TENM1: variants seen among roughly 807,000 people sequenced by gnomAD.
TENM1 encodes teneurin transmembrane protein 1.
In TENM1, 35 loss-of-function variants were observed where a neutral mutation model predicts 174.8. That is an observed-to-expected ratio of 0.20 (90% CI 0.15 to 0.27). TENM1 has a LOEUF of 0.27. Ranked by LOEUF, TENM1 falls within the 10% of genes least tolerant of loss-of-function variation. TENM1 has a pLI of 1.00. For synonymous variants in TENM1, 781 were observed against 798.7 expected (o/e 0.98, Z 0.37); for missense variants, 1,633 against 2,130.1 (o/e 0.77, Z 4.59).
At chrX:124,423,325 T>C (rs770770038) in intron 23 of TENM1, among the ~76,000 whole-genome samples, 19 of 111,996 alleles carry the variant, frequency 1.7e-4, no homozygotes, top group African/African-American at 5.8e-4. Flanking sequence ...ACTCCATAGG[T>C]TCCCCTTTTT....
chrX:125,126,408 GACT>G, the TENM1 span, among the ~76,000 whole-genome samples: 1 of 111,330 alleles, frequency 9.0e-6, no homozygotes, highest in Non-Finnish European at 1.9e-5. Flanking sequence ...TAAGGTGCTG[GACT>G]ATATACATGG....
Position 124,935,451 on chromosome X carries a change from C to G in TENM1, c.217+28086G>C, listed in dbSNP as rs910821539. Among the ~76,000 whole-genome samples the G allele has an allele frequency of 2.7e-5, 3 of 111,619 alleles. No individual in the cohort carries two copies. The Admixed American group carries it at 2.9e-4, about 11-fold the overall frequency. ...GAAACTTTCCCCGACCCTTCTAACC[C>G]CTTATTTGAGTTAGATGTTCCTCCT... On this transcript the variant is annotated intron_variant, in intron 1 of 31. Coordinates refer to ENST00000422452, the Ensembl canonical transcript of TENM1.
chrX:124,403,534 GA>G (rs779561191), intron 27 of TENM1, among the ~76,000 whole-genome samples: 4 of 88,811 alleles, frequency 4.5e-5, no homozygotes, highest in Admixed American at 1.2e-4. Flanking sequence ...AAAAAAAAAA[GA>G]AAAAAAAAAG....
intron 14 of TENM1, among the ~76,000 whole-genome samples, chrX:124,549,607 A>G (rs753073879): frequency 1.8e-5 from 2 of 112,018 alleles, no homozygotes; most frequent in South Asian, 7.5e-4. Flanking sequence ...AATGTTCTAT[A>G]CATTCCAAGC....
chrX:124,647,761 G>C (rs1025043221), intron 8 of TENM1, among the ~76,000 whole-genome samples: 1 of 109,247 alleles, frequency 9.2e-6, no homozygotes, highest in East Asian at 2.8e-4. Flanking sequence ...GTGTTTGTGT[G>C]TGTGTGTGTT....
At chrX:124,507,845 T>C (rs770756246) in intron 18 of TENM1, among the ~76,000 whole-genome samples, 10 of 111,866 alleles carry the variant, frequency 8.9e-5, no homozygotes, top group Non-Finnish European at 1.7e-4. Flanking sequence ...GAATTTATAA[T>C]GGTTGCATTT....
At chrX:124,446,808 G>T (rs184362844) in intron 23 of TENM1, among the ~76,000 whole-genome samples, 1 of 112,715 alleles carries the variant, frequency 8.9e-6, no homozygotes, top group African/African-American at 3.2e-5. Context: ...TGTATGTCAA[G>T]CATTCATAGA....
chrX:125,070,881 C>G, the TENM1 span, among the ~76,000 whole-genome samples: 1 of 111,644 alleles, frequency 9.0e-6, no homozygotes, highest in African/African-American at 3.2e-5. Context: ...AAATCAAATA[C>G]TACATGAACA....
intron 25 of TENM1, among the ~76,000 whole-genome samples, chrX:124,414,847 C>T (rs1218800104): frequency 1.8e-5 from 2 of 111,713 alleles, no homozygotes; most frequent in Non-Finnish European, 3.8e-5. Context: ...ACACTGCAGT[C>T]TTCCATCCTG....
At chrX:124,515,858 A>G (rs2047691089) in intron 18 of TENM1, among the ~76,000 whole-genome samples, 1 of 110,366 alleles carries the variant, frequency 9.1e-6, no homozygotes, top group Admixed American at 9.7e-5. Context: ...TCTAAAATTC[A>G]TATGGAACCC....
the TENM1 span, among the ~76,000 whole-genome samples, chrX:125,085,612 C>T: frequency 9.0e-6 from 1 of 111,302 alleles, no homozygotes; most frequent in Non-Finnish European, 1.9e-5. Context: ...CAAAAATCTG[C>T]TTTTAACTTG....
At chrX:124,426,216 A>T (rs1343031811) in intron 23 of TENM1, among the ~76,000 whole-genome samples, 1 of 111,539 alleles carries the variant, frequency 9.0e-6, no homozygotes, top group African/African-American at 3.3e-5. Context: ...ACTGTGTTCC[A>T]CACCATTCCC....
the TENM1 span, among the ~76,000 whole-genome samples, chrX:125,166,642 T>A: frequency 1.6e-4 from 18 of 111,938 alleles, no homozygotes; most frequent in East Asian, 4.8e-3. Flanking sequence ...TATCTTAATG[T>A]GTCTGTGAAA....
At chrX:124,726,040 G>C (rs1035573003) in intron 4 of TENM1, among the ~76,000 whole-genome samples, 7 of 111,886 alleles carry the variant, frequency 6.3e-5, no homozygotes, top group Admixed American at 5.7e-4. Context: ...AGGGCAAAAT[G>C]ATGGGTACAG....
chrX:124,719,210 C>T (rs1454396960), intron 4 of TENM1, among the ~76,000 whole-genome samples: 1 of 110,569 alleles, frequency 9.0e-6, no homozygotes, highest in East Asian at 2.9e-4. Context: ...CCTCCCCAAG[C>T]TCACAGCTGT....
Position 124,810,942 on chromosome X carries a change from C to T in TENM1, c.536-73745G>A, listed in dbSNP as rs183342888. Among the ~76,000 whole-genome samples, 827 of 111,272 alleles carry T rather than the reference C, an allele frequency of 7.4e-3. 5 individuals carry two copies. Among genetic ancestry groups the T allele is most frequent in the African/African-American group, 0.026 (785 of 30,714 alleles). On this transcript the variant is annotated intron_variant, in intron 3 of 31. Transcript: ENST00000422452. ...TGACAAAGGCAACAAGGGCACACAACGGGGAAAAGACAATCTCTTCAATAA... is the reference window on the plus strand; with the variant it reads ...TGACAAAGGCAACAAGGGCACACAATGGGGAAAAGACAATCTCTTCAATAA...
At chrX:125,001,925 T>TCA in the TENM1 span, among the ~76,000 whole-genome samples, 1,561 of 67,215 alleles carry the variant, frequency 0.023, 14 homozygotes, top group South Asian at 0.031. Flanking sequence ...TCTAGAGAGA[T>TCA]CACACACACA....
At chrX:124,903,790 C>T (rs1238492391) in intron 1 of TENM1, among the ~76,000 whole-genome samples, 1 of 111,739 alleles carries the variant, frequency 8.9e-6, no homozygotes, top group Non-Finnish European at 1.9e-5. Context: ...TCAATGAGAA[C>T]CTGTGCATGT....
At chrX:125,036,295 T>C in the TENM1 span, among the ~76,000 whole-genome samples, 6 of 111,979 alleles carry the variant, frequency 5.4e-5, no homozygotes, top group Non-Finnish European at 1.1e-4. Flanking sequence ...TCAAGCACTG[T>C]ATCTTTTAAA....
Sources: allele counts gnomAD v4.1 joint callset (sites outside exome capture counted in the v4.1 genomes callset), GRCh38; gene constraint gnomAD v4.1.1; transcripts MANE v1.5; gene names NCBI Gene and HGNC (gene_info 2026-07-23, HGNC 2026-07-21).